The following AATF variants were observed in gnomAD, a reference collection of about 807,000 sequenced individuals.
AATF encodes the protein apoptosis antagonizing transcription factor.
In AATF, 48 loss-of-function variants were observed where a neutral mutation model predicts 63.7. That is an observed-to-expected ratio of 0.75 (90% confidence interval 0.60 to 0.96). The LOEUF (loss-of-function observed/expected upper bound fraction) is 0.96. Among genes scored for constraint, AATF ranks in the 40% least tolerant of loss-of-function variants. The pLI, the probability that AATF is intolerant of heterozygous loss-of-function variation, is 0.00. For missense variants in AATF, 639 were observed against 685.7 expected, an observed-to-expected ratio of 0.93 and a Z score of 0.76; for synonymous variants, 258 against 247.7, an observed-to-expected ratio of 1.04 and a Z score of -0.39.
intron 11 of AATF, among the ~76,000 whole-genome samples, chr17:37,041,494 G>A (rs138971521): frequency 7.2e-4 from 110 of 152,154 alleles, no homozygotes; most frequent in African/African-American, 2.5e-3. Flanking sequence ...TGCTAAGCTG[G>A]AGAGCTCTTT....
At chr17:37,006,401 T>C (rs530771877) in intron 8 of AATF, among the ~76,000 whole-genome samples, 1 of 151,992 alleles carries the variant, frequency 6.6e-6, no homozygotes, top group South Asian at 2.1e-4. Flanking sequence ...CCCAGGAGAC[T>C]GAGATTTCGG....
rs1555652511 is a variant in AATF, at chr17:37,021,819, A to AT, written c.1547+805_1547+806insT. Among the ~76,000 whole-genome samples the AT allele has an allele frequency of 6.3e-4, 61 of 96,524 alleles. 4 individuals are homozygous for AT. The East Asian group carries it at 7.4e-3, about 12-fold the overall frequency. 63.3% of individuals were successfully genotyped at this position (96,524 alleles called of 152,430 possible). ...GACTCCGTCTCAAAAAAAAAAAAAA[A>AT]AATAATAATAATAATAATAATAAAT... On this transcript the variant is annotated intron_variant, in intron 10 of 11. Transcript: ENST00000619387.
At chr17:37,009,802 C>T (rs1017096663) in intron 8 of AATF, among the ~76,000 whole-genome samples, 8 of 118,060 alleles carry the variant, frequency 6.8e-5, no homozygotes, top group African/African-American at 2.4e-4. Context: ...CTGGCCTGGG[C>T]GACAGAGCGA....
chr17:36,997,383 GA>G (rs893009563), intron 8 of AATF, among the ~76,000 whole-genome samples: 1 of 151,980 alleles, frequency 6.6e-6, no homozygotes, highest in African/African-American at 2.4e-5. Context: ...AAATCAGTAA[GA>G]AAAAAACAAT....
intron 8 of AATF, among the ~76,000 whole-genome samples, chr17:37,014,560 A>G (rs1219993545): frequency 6.6e-6 from 1 of 152,130 alleles, no homozygotes; most frequent in Non-Finnish European, 1.5e-5. Flanking sequence ...CTTTATATGT[A>G]ACCTGTTTTT....
At chr17:37,042,382 C>T (rs1001553784) in intron 11 of AATF, among the ~76,000 whole-genome samples, 2 of 151,160 alleles carry the variant, frequency 1.3e-5, no homozygotes, top group Admixed American at 1.3e-4. Context: ...TTTCTACTGC[C>T]TCTTTTTTTG....
intron 4 of AATF, among the ~76,000 whole-genome samples, chr17:36,958,957 C>G (rs1385398300): frequency 6.6e-6 from 1 of 151,580 alleles, no homozygotes; most frequent in East Asian, 1.9e-4. Context: ...CCAACCTGAC[C>G]AACATTATGA....
At chr17:37,042,221 G>A (rs938225825) in intron 11 of AATF, among the ~76,000 whole-genome samples, 1 of 151,926 alleles carries the variant, frequency 6.6e-6, no homozygotes, top group African/African-American at 2.4e-5. Context: ...TTTGTGGGGG[G>A]TGTTTTTCAT....
chr17:36,993,167 C>T (rs901698278), intron 8 of AATF, among the ~76,000 whole-genome samples: 1 of 152,216 alleles, frequency 6.6e-6, no homozygotes, highest in Non-Finnish European at 1.5e-5. Context: ...CGGGCTACGA[C>T]AGCTTATCCT....
rs2071054884 is a variant in AATF, at chr17:36,973,376, CA to C, written c.833-13238del. Among the ~76,000 whole-genome samples, 8 of 152,044 alleles carry C rather than the reference CA, an allele frequency of 5.3e-5. No individual in the cohort carries two copies. In the South Asian group the frequency reaches 1.7e-3, roughly 32 times the overall value. On this transcript the variant is annotated intron_variant, in intron 4 of 11. Transcript: ENST00000619387. ...AGAAACTGAGGTCTGCTGTGCCTCACAAACGTTGCTCTTGGCCACACTGCCC... is the reference window on the plus strand; with the variant it reads ...AGAAACTGAGGTCTGCTGTGCCTCACAACGTTGCTCTTGGCCACACTGCCC...
At chr17:37,045,210 A>G (rs1186229592) in intron 11 of AATF, among the ~76,000 whole-genome samples, 3 of 152,218 alleles carry the variant, frequency 2.0e-5, no homozygotes, top group Admixed American at 2.0e-4. Flanking sequence ...ACCACACCCT[A>G]TGCTTTACCA....
At chr17:36,988,468 T>C (rs766539924) in intron 5 of AATF, 51 bp from the exon 6 acceptor site, 5 of 1,571,140 alleles carry the variant, frequency 3.2e-6, no homozygotes, top group South Asian at 1.1e-5. Flanking sequence ...GTTTTTAAAA[T>C]CTAAGTAATG....
chr17:37,053,501 A>G (rs1184914247), intron 11 of AATF, among the ~76,000 whole-genome samples: 1 of 152,230 alleles, frequency 6.6e-6, no homozygotes, highest in Non-Finnish European at 1.5e-5. Context: ...GCATGAAACC[A>G]TTATATTAGG....
At chr17:37,020,804 A>G (rs2071463168) in intron 9 of AATF, 130 bp from the exon 10 acceptor site, 6 of 696,580 alleles carry the variant, frequency 8.6e-6, no homozygotes, top group Non-Finnish European at 1.4e-5. Context: ...TTTGGCCCCA[A>G]ACTAGCTTGA....
intron 11 of AATF, among the ~76,000 whole-genome samples, chr17:37,050,005 G>T (rs1470413599): frequency 1.3e-5 from 2 of 152,156 alleles, no homozygotes; most frequent in African/African-American, 4.8e-5. Flanking sequence ...GCTCATAGGA[G>T]TGCAGTCAGG....
chr17:36,951,987 C>G (rs916401276), intron 2 of AATF, among the ~76,000 whole-genome samples: 4 of 152,084 alleles, frequency 2.6e-5, no homozygotes, highest in Non-Finnish European at 4.4e-5. Flanking sequence ...CTGTAAAAAC[C>G]TCTACATATC....
At chr17:37,053,723 G>A (rs1490329027) in intron 11 of AATF, among the ~76,000 whole-genome samples, 12 of 152,214 alleles carry the variant, frequency 7.9e-5, no homozygotes, top group African/African-American at 1.7e-4. Flanking sequence ...AAAATTAGCC[G>A]GGCGTGGTGG....
intron 4 of AATF, among the ~76,000 whole-genome samples, chr17:36,967,832 T>A (rs2071003419): frequency 6.6e-6 from 1 of 151,866 alleles, no homozygotes; most frequent in Admixed American, 6.6e-5. Context: ...AATTGGTAAG[T>A]CAGAAGCTGT....
Position 36,949,358 on chromosome 17 carries a change from G to T in AATF, c.91+142G>T. 7.8e-6 allele frequency: 6 copies of T among 764,710 alleles called. No individual in the cohort carries two copies. In the South Asian group the frequency reaches 1.2e-4, roughly 15 times the overall value. The allele number at this position is 764,710 out of a possible 1,614,324, so 47.4% of individuals were successfully genotyped here. ...GCAGAGGAACGTCGCCTCCCGCGAG[G>T]GTGGTCCCGGCCTCGGGAGGAGGGC... On this transcript the variant is annotated intron_variant, in intron 1 of 11. Transcript: ENST00000619387.
Sources: gnomAD v4.1 joint callset for allele counts (sites outside exome capture counted in the v4.1 genomes callset) on GRCh38, gnomAD v4.1.1 for gene constraint, MANE v1.5 for transcripts, NCBI Gene and HGNC (gene_info 2026-07-23, HGNC 2026-07-21) for gene names.